The following ANKRD62 variants were observed in gnomAD, a reference collection of about 807,000 sequenced individuals.
ANKRD62 encodes ankyrin repeat domain-containing protein 62.
In ANKRD62, 61 loss-of-function variants were observed where a neutral mutation model predicts 98.8. That is an observed-to-expected ratio of 0.62 (90% CI 0.50 to 0.76). The LOEUF (loss-of-function observed/expected upper bound fraction) is 0.76. ANKRD62 is among the 30% of genes least tolerant of loss of function. ANKRD62 has a pLI of 0.00. For missense variants in ANKRD62, 933 were observed against 1,082.9 expected (o/e 0.86, Z 1.94); for synonymous variants, 341 against 367.9 (o/e 0.93, Z 0.84).
the ANKRD62 span, among the ~76,000 whole-genome samples, chr18:12,136,640 G>A: frequency 1.3e-5 from 2 of 152,136 alleles, no homozygotes; most frequent in Admixed American, 6.5e-5. Flanking sequence ...TGGGCAGTAT[G>A]GCCATTTTCA....
chr18:12,177,297 G>GACACCAGTGGAC, the ANKRD62 span, among the ~76,000 whole-genome samples: 1 of 152,294 alleles, frequency 6.6e-6, no homozygotes, highest in Non-Finnish European at 1.5e-5. Context: ...CACAGGAGGA[G>GACACCAGTGGAC]ACACCAGTGG....
chr18:12,172,201 TG>T, the ANKRD62 span, among the ~76,000 whole-genome samples: 1 of 152,220 alleles, frequency 6.6e-6, no homozygotes, highest in African/African-American at 2.4e-5. Context: ...TGTGTTCCTT[TG>T]GAGGAGAAGA....
At chr18:12,151,052 A>G in the ANKRD62 span, among the ~76,000 whole-genome samples, 1,573 of 152,344 alleles carry the variant, frequency 0.01, 29 homozygotes, top group African/African-American at 0.033. Context: ...TGTCTAACAC[A>G]TAATGACACC....
intron 6 of ANKRD62, among the ~76,000 whole-genome samples, chr18:12,101,821 A>G (rs1251582150): frequency 2.0e-5 from 3 of 152,318 alleles, no homozygotes; most frequent in African/African-American, 7.2e-5. Flanking sequence ...AATTCCTCTC[A>G]AACCTTTTCC....
the ANKRD62 span, among the ~76,000 whole-genome samples, chr18:12,179,411 A>T: frequency 2.5e-5 from 3 of 121,548 alleles, 1 homozygote; most frequent in Non-Finnish European, 3.4e-5. Context: ...CAGGAGAACA[A>T]AAGGAGCTCC....
intron 6 of ANKRD62, among the ~76,000 whole-genome samples, chr18:12,100,958 T>A (rs1294597626): frequency 6.6e-6 from 1 of 152,162 alleles, no homozygotes; most frequent in Non-Finnish European, 1.5e-5. Flanking sequence ...GACCGGGGGC[T>A]GCCTCTTTGA....
At chr18:12,106,326 A>C (rs1376108646) in intron 7 of ANKRD62, among the ~76,000 whole-genome samples, 2 of 152,184 alleles carry the variant, frequency 1.3e-5, no homozygotes, top group Non-Finnish European at 2.9e-5. Context: ...AAGTAGCAAC[A>C]TGATTTCGGT....
At chr18:12,160,236 C>T in the ANKRD62 span, among the ~76,000 whole-genome samples, 2 of 152,112 alleles carry the variant, frequency 1.3e-5, no homozygotes, top group Non-Finnish European at 2.9e-5. Context: ...TCATCAACAG[C>T]GTAAGGACTA....
At chr18:12,115,050 C>A in intron 8 of ANKRD62, 38 bp from the exon 9 acceptor site, 3 of 1,358,078 alleles carry the variant, frequency 2.2e-6, no homozygotes, top group Non-Finnish European at 2.8e-6. Context: ...TACATATTTA[C>A]TATTTGCCTG....
intron 3 of ANKRD62, 119 bp downstream of exon 3, chr18:12,095,729 T>G (rs766924759): frequency 4.2e-6 from 4 of 955,112 alleles, no homozygotes; most frequent in Non-Finnish European, 5.9e-6. Context: ...TGCAAATATT[T>G]GCTTTACATA....
At chr18:12,120,816 A>C (rs1252622699) in intron 10 of ANKRD62, among the ~76,000 whole-genome samples, 1 of 152,074 alleles carries the variant, frequency 6.6e-6, no homozygotes, top group Middle Eastern at 3.4e-3. Context: ...TTTATTTAGG[A>C]TTTATAGTAT....
At chr18:12,114,888 G>C (rs1479433410) in intron 8 of ANKRD62, among the ~76,000 whole-genome samples, 200 bp from the exon 9 acceptor site, 2 of 151,730 alleles carry the variant, frequency 1.3e-5, no homozygotes, top group African/African-American at 4.8e-5. Flanking sequence ...TTGTCCTGTA[G>C]TGCTACCCTT....
chr18:12,150,957 G>T, the ANKRD62 span, among the ~76,000 whole-genome samples: 6 of 152,114 alleles, frequency 3.9e-5, no homozygotes, highest in Non-Finnish European at 7.4e-5. Context: ...ATATGTAAAT[G>T]GGTGAAATAC....
At chr18:12,130,554 A>G (rs1040656828), downstream of ANKRD62, among the ~76,000 whole-genome samples, 1 of 152,222 alleles carries the variant, frequency 6.6e-6, no homozygotes, top group African/African-American at 2.4e-5. Flanking sequence ...AGTTTGGAAT[A>G]TTTGTATACA....
At chr18:12,137,200 T>C in the ANKRD62 span, among the ~76,000 whole-genome samples, 1 of 152,206 alleles carries the variant, frequency 6.6e-6, no homozygotes, top group African/African-American at 2.4e-5. Context: ...TACATAGCTC[T>C]TATTATTTTG....
At chr18:12,117,322 A>G (rs1379113158) in intron 10 of ANKRD62, among the ~76,000 whole-genome samples, 1 of 152,208 alleles carries the variant, frequency 6.6e-6, no homozygotes, top group East Asian at 1.9e-4. Context: ...TGTACAATTA[A>G]TGAACACAGC....
chr18:12,140,543 G>C, the ANKRD62 span, among the ~76,000 whole-genome samples: 78 of 152,062 alleles, frequency 5.1e-4, no homozygotes, highest in African/African-American at 1.8e-3. Context: ...TGTCCTTTCT[G>C]TTTGTTAGTT....
the ANKRD62 span, among the ~76,000 whole-genome samples, chr18:12,140,828 C>T: frequency 6.6e-6 from 1 of 152,234 alleles, no homozygotes; most frequent in South Asian, 2.1e-4. Flanking sequence ...TGCCCGTTCT[C>T]AGATCTCAAA....
At chr18:12,140,751 G>A in the ANKRD62 span, among the ~76,000 whole-genome samples, 3 of 152,118 alleles carry the variant, frequency 2.0e-5, no homozygotes, top group African/African-American at 7.2e-5. Context: ...GTGTCAGTCC[G>A]CCCCTAGTTG....
Sources: gnomAD v4.1 joint callset for allele counts (sites outside exome capture counted in the v4.1 genomes callset) on GRCh38, gnomAD v4.1.1 for gene constraint, MANE v1.5 for transcripts, NCBI Gene and HGNC (gene_info 2026-07-23, HGNC 2026-07-21) for gene names.